Variants in DNAJC27 observed in about 807,000 individuals in gnomAD.
DNAJC27 encodes dnaJ homolog subfamily C member 27.
Under a neutral mutation model 31.4 loss-of-function variants are expected in DNAJC27, and 25 were observed. The observed-to-expected ratio is 0.80, with a 90% CI of 0.58 to 1.11. DNAJC27 has a LOEUF of 1.11. DNAJC27 is among the 50% of genes most tolerant of loss of function. The pLI, the probability that DNAJC27 is intolerant of heterozygous loss-of-function variation, is 0.00. For synonymous variants in DNAJC27, 106 were observed against 112.7 expected, an observed-to-expected ratio of 0.94 and a Z score of 0.37; for missense variants, 356 against 347.3, an observed-to-expected ratio of 1.02 and a Z score of -0.20.
intron 3 of DNAJC27, among the ~76,000 whole-genome samples, chr2:24,962,960 G>A (rs1262320193): frequency 6.6e-6 from 1 of 152,218 alleles, no homozygotes; most frequent in Admixed American, 6.5e-5. Context: ...CTGGTAAGCA[G>A]ATGAAAATAA....
At chr2:24,972,026 C>G, upstream of DNAJC27, 1 of 688,480 alleles carries the variant, frequency 1.5e-6, no homozygotes. Flanking sequence ...CTCCGCTGCT[C>G]GCCATCCCCG....
chr2:24,949,130 CT>C lies in DNAJC27; in HGVS notation c.690-1383del, dbSNP rs532762962. 1.6e-4 allele frequency among the ~76,000 whole-genome samples: 25 copies of C among 152,308 alleles called. 1 individual carries two copies. The South Asian group carries it at 5.2e-3, about 32-fold the overall frequency. On this transcript the variant is annotated intron_variant, in intron 6 of 6. Transcript: ENST00000264711. Reference sequence around the variant, plus strand: ...TTCTTGTTCTAGCAAGAACCTCCTTCTTTCATAAGGATACTCTGGGGGACCT... The same window carrying C: ...TTCTTGTTCTAGCAAGAACCTCCTTCTTCATAAGGATACTCTGGGGGACCT...
At chr2:24,949,959 G>A in intron 6 of DNAJC27, among the ~76,000 whole-genome samples, 1 of 146,660 alleles carries the variant, frequency 6.8e-6, no homozygotes, top group Admixed American at 6.8e-5. Flanking sequence ...CATAAATGGA[G>A]AAGCTGATCT....
chr2:24,963,308 C>T (rs1038054427), intron 3 of DNAJC27, 97 bp downstream of exon 3: 2 of 923,294 alleles, frequency 2.2e-6, no homozygotes, highest in Non-Finnish European at 3.3e-6. Flanking sequence ...TGCAATTTTA[C>T]ACATGATATC....
intron 5 of DNAJC27, among the ~76,000 whole-genome samples, chr2:24,952,190 G>A (rs1367573951): frequency 6.6e-6 from 1 of 152,106 alleles, no homozygotes; most frequent in African/African-American, 2.4e-5. Flanking sequence ...AAAGAAAAGT[G>A]TAAAATGAAA....
chr2:24,955,045 C>T (rs1227097072), intron 5 of DNAJC27, among the ~76,000 whole-genome samples: 2 of 152,096 alleles, frequency 1.3e-5, no homozygotes, highest in African/African-American at 2.4e-5. Context: ...ACTACTCATA[C>T]AAAGAAACAT....
At chr2:24,957,195 A>T (rs1665927936) in intron 4 of DNAJC27, 30 bp from the exon 5 acceptor site, 1 of 1,564,010 alleles carries the variant, frequency 6.4e-7, no homozygotes, top group African/African-American at 1.4e-5. Context: ...GGACAGAGAG[A>T]AGATTACAAT....
At chr2:24,969,565 CCT>C (rs1666275000) in intron 1 of DNAJC27, 1 of 154,560 alleles carries the variant, frequency 6.5e-6, no homozygotes, top group Non-Finnish European at 1.4e-5. Flanking sequence ...GCAACCTCCA[CCT>C]CCCAGGTTCA....
chr2:24,962,859 A>C (rs1442665331), intron 3 of DNAJC27, among the ~76,000 whole-genome samples: 1 of 152,178 alleles, frequency 6.6e-6, no homozygotes, highest in East Asian at 1.9e-4. Context: ...ACCAGAAAAG[A>C]GCAAAAAACC....
chr2:24,969,096 T>A (rs1236246906), intron 1 of DNAJC27: 3 of 177,864 alleles, frequency 1.7e-5, no homozygotes, highest in Non-Finnish European at 2.5e-5. Flanking sequence ...GAACAATAAC[T>A]ACTTCTTAAT....
At chr2:24,950,032 A>G (rs947340996) in intron 6 of DNAJC27, among the ~76,000 whole-genome samples, 4 of 151,736 alleles carry the variant, frequency 2.6e-5, no homozygotes, top group Non-Finnish European at 5.9e-5. Context: ...AAAAATAGGA[A>G]GACTCACATT....
chr2:24,957,166 CTG>C lies in DNAJC27; in HGVS notation c.406-3_406-2del. On this transcript the variant is annotated splice_acceptor_variant and splice_polypyrimidine_tract_variant and intron_variant, in intron 4 of 6. Coordinates refer to ENST00000264711, the MANE Select transcript of DNAJC27 (RefSeq NM_016544.3). LOFTEE classifies it high-confidence loss of function. ...CACAGCGATGTTTGGTACAATCAAT[CTG>C]AAATAGAAGGGGCGGGGGACAGAGA... The C allele has an allele frequency of 6.3e-7, 1 of 1,593,210 alleles. No individual in the cohort carries two copies. The highest frequency in any genetic ancestry group is 8.5e-7 in the Non-Finnish European group (1 of 1,173,040).
At position 24,951,406 on chromosome 2, in the gene DNAJC27, G is replaced by A; in HGVS notation, c.677C>T (p.Pro226Leu). The A allele has an allele frequency of 6.2e-7, 1 of 1,612,126 alleles. No homozygotes were observed. Among genetic ancestry groups the A allele is most frequent in the Non-Finnish European group, 8.5e-7 (1 of 1,179,006 alleles). ...CCAGAGCGCTTACCTTGAGGCCCCA[G>A]GTTTGACTCCCAGCATGTCCCAACT... ...KDSWDMLGVK[P>L]GASRDEVNKA... is the part of the protein sequence containing the mutation. The change falls in exon 6 of 7, where the codon CCT becomes CTT. Residue 226 changes from proline to leucine, a missense_variant. By Grantham distance (98) the Pro-to-Leu change is moderately conservative. Transcript: ENST00000264711.
At chr2:24,951,138 G>C (rs1439097) in intron 6 of DNAJC27, among the ~76,000 whole-genome samples, 137,308 of 152,040 alleles carry the variant, frequency 0.9, 62,201 homozygotes, top group African/African-American at 0.97. Flanking sequence ...TCTTGTTCCA[G>C]ACAGATGAAA....
chr2:24,972,013 C>A, upstream of DNAJC27: 4 of 787,062 alleles, frequency 5.1e-6, no homozygotes, highest in South Asian at 9.1e-5. Context: ...GTCACCGCCT[C>A]GCCTCCGCTG....
intron 5 of DNAJC27, among the ~76,000 whole-genome samples, chr2:24,953,355 A>G (rs929341594): frequency 2.6e-5 from 4 of 152,222 alleles, no homozygotes; most frequent in Non-Finnish European, 5.9e-5. Context: ...TGTCAAAGGA[A>G]TACCACTAGA....
chr2:24,957,137 T>C lies in DNAJC27; in HGVS notation c.434A>G (p.Asp145Gly). Residue 145 changes from aspartate (D) to glycine (G), a missense_variant, in exon 5 of 7, where the codon GAT (aspartate) becomes GGT (glycine). Transcript: ENST00000264711. ...KIDCTKHRCV[D>G]ESEGRLWAES... Reference sequence around the variant, plus strand: ...AGCCCAAAGACGTCCTTCACTTTCATCTACACAGCGATGTTTGGTACAATC... The same window carrying C: ...AGCCCAAAGACGTCCTTCACTTTCACCTACACAGCGATGTTTGGTACAATC... 6.2e-7 allele frequency: 1 copy of C among 1,608,918 alleles called. No individual in the cohort carries two copies. Among genetic ancestry groups the C allele is most frequent in the East Asian group, 2.2e-5 (1 of 44,758 alleles).
At chr2:24,964,691 T>C (rs1221018354) in intron 2 of DNAJC27, among the ~76,000 whole-genome samples, 2 of 152,218 alleles carry the variant, frequency 1.3e-5, no homozygotes, top group African/African-American at 4.8e-5. Context: ...TGACTCATCA[T>C]GGGACAAACA....
intron 5 of DNAJC27, 80 bp from the exon 6 acceptor site, chr2:24,951,634 T>C: frequency 7.9e-7 from 1 of 1,261,482 alleles, no homozygotes; most frequent in Non-Finnish European, 1.1e-6. Context: ...CTTAAAAGAC[T>C]TTTAATATAT....
Sources: allele counts gnomAD v4.1 joint callset (sites outside exome capture counted in the v4.1 genomes callset), GRCh38; gene constraint gnomAD v4.1.1; transcripts MANE v1.5; gene names NCBI Gene and HGNC (gene_info 2026-07-23, HGNC 2026-07-21).